SMAD6: variants seen among roughly 807,000 people sequenced by gnomAD.
SMAD6 encodes the protein SMAD family member 6.
A neutral mutation model predicts 39.4 loss-of-function variants in SMAD6; 103 were observed. That is an observed-to-expected ratio of 2.62 (90% CI 2.23 to 3.08). SMAD6 has a LOEUF of 3.08. SMAD6 is among the 30% of genes most tolerant of loss of function. The pLI is 0.00. For synonymous variants in SMAD6, 445 were observed against 353.3 expected (o/e 1.26, Z -2.91); for missense variants, 1,104 against 742.9 (o/e 1.49, Z -5.65).
intron 3 of SMAD6, among the ~76,000 whole-genome samples, chr15:66,753,067 A>G (rs140553385): frequency 1.1e-4 from 17 of 152,206 alleles, no homozygotes; most frequent in Non-Finnish European, 2.4e-4. Context: ...CATTATTGCC[A>G]TTTTGCAGGT....
In SMAD6 at chr15:66,703,400, C is replaced by T. The variant is rs1595756495; in HGVS notation, c.142C>T (p.Arg48Trp). The T allele has an allele frequency of 2.9e-6, 4 of 1,394,822 alleles. No individual in the cohort carries two copies. The highest frequency in any genetic ancestry group is 3.4e-5 in the Admixed American group (1 of 29,348). The allele number at this position is 1,394,822 out of a possible 1,614,324, so 86.4% of individuals were successfully genotyped here. A position where few individuals can be genotyped will look rare whatever the true frequency, so the allele number is the denominator to read the frequency against. ...GGGCAGCCGAGCTGAGCCGGCCCCGCGGGCAAGAGAGGGCGGAGGCTGCGG... is the reference window on the plus strand; with the variant it reads ...GGGCAGCCGAGCTGAGCCGGCCCCGTGGGCAAGAGAGGGCGGAGGCTGCGG... ...SLGSRAEPAPRAREGGGCGRS... is the reference protein window; with the variant it reads ...SLGSRAEPAPWAREGGGCGRS... Residue 48 changes from arginine to tryptophan, a missense_variant, in exon 1 of 4, where the codon CGG becomes TGG. Physicochemically the swap from Arg to Trp is moderately radical, Grantham distance 101. Coordinates refer to ENST00000288840, the MANE Select transcript of SMAD6 (RefSeq NM_005585.5).
At chr15:66,731,216 A>G (rs1241148488) in intron 3 of SMAD6, among the ~76,000 whole-genome samples, 3 of 151,936 alleles carry the variant, frequency 2.0e-5, no homozygotes, top group Non-Finnish European at 4.4e-5. Flanking sequence ...AGGCGGGCGG[A>G]TCACGAGGTC....
rs77685099 is a variant in SMAD6 at position 66,764,483 on chromosome 15, A to C, written c.953-16514A>C. On this transcript the variant is annotated intron_variant, in intron 3 of 3. Coordinates refer to ENST00000288840, the MANE Select transcript of SMAD6 (RefSeq NM_005585.5). ...GACAAAAGCGTCCCTTCCTCCCTAG[A>C]GTATATGAAGATATGGGGCCAAGTC... 2.2e-3 allele frequency among the ~76,000 whole-genome samples: 330 copies of C among 152,212 alleles called. 2 individuals carry two copies. The highest frequency in any genetic ancestry group is 7.7e-3 in the African/African-American group (319 of 41,528).
At chr15:66,717,070 T>G in intron 3 of SMAD6, 2 of 1,289,112 alleles carry the variant, frequency 1.6e-6, no homozygotes, top group Non-Finnish European at 1.0e-6. Context: ...TCCCCTGCAG[T>G]TAGAAGCTGG....
rs571561726 is a variant in SMAD6 at position 66,774,526 on chromosome 15, G to A, written c.953-6471G>A. 7.9e-5 allele frequency among the ~76,000 whole-genome samples: 12 copies of A among 152,310 alleles called. No individual in the cohort carries two copies. The East Asian group carries it at 2.3e-3, about 29-fold the overall frequency. ...TCGGCGCAGACAGCCACCACCCTCT[G>A]GTGGCAGGAATGTGGGTGCCACCGG... On this transcript the variant is annotated intron_variant, in intron 3 of 3. Coordinates refer to ENST00000288840, the MANE Select transcript of SMAD6 (RefSeq NM_005585.5).
At chr15:66,744,155 A>G (rs1893865953) in intron 3 of SMAD6, among the ~76,000 whole-genome samples, 1 of 152,062 alleles carries the variant, frequency 6.6e-6, no homozygotes, top group Non-Finnish European at 1.5e-5. Flanking sequence ...GAGGGCCGGG[A>G]TCCTGTAACT....
intron 3 of SMAD6, among the ~76,000 whole-genome samples, chr15:66,743,797 A>G (rs1279706462): frequency 6.6e-6 from 1 of 152,206 alleles, no homozygotes. Flanking sequence ...AAAAGTTCAT[A>G]TAGCTGTTTT....
At chr15:66,726,508 G>C (rs112033542) in intron 3 of SMAD6, among the ~76,000 whole-genome samples, 1,566 of 152,302 alleles carry the variant, frequency 0.01, 35 homozygotes, top group African/African-American at 0.035. Context: ...GCCGAGGAGG[G>C]TGGAGAGAGG....
chr15:66,719,801 A>G (rs62005626), intron 3 of SMAD6, among the ~76,000 whole-genome samples: 1 of 152,074 alleles, frequency 6.6e-6, no homozygotes, highest in South Asian at 2.1e-4. Flanking sequence ...CTCTCTGCCG[A>G]GTAGTTGTTG....
intron 3 of SMAD6, chr15:66,741,008 A>C (rs1460235588): frequency 6.6e-6 from 1 of 152,254 alleles, no homozygotes; most frequent in Non-Finnish European, 1.5e-5. Context: ...CAATGAGCTG[A>C]GTCTCCCTCC....
intron 2 of SMAD6, among the ~76,000 whole-genome samples, chr15:66,714,576 A>G (rs1345851329): frequency 6.6e-6 from 1 of 152,152 alleles, no homozygotes; most frequent in Non-Finnish European, 1.5e-5. Context: ...TGAAAATATT[A>G]ACCTCTGGCC....
rs4776822 is a variant in SMAD6 at position 66,702,985 on chromosome 15, G to A, written c.-274G>A. Reference sequence around the variant, plus strand: ...CTAAAGCGCGGGGGCTGGAGTTGTTGAGCAGCCCCGCCGCTGTGGTCCATG... The same window carrying A: ...CTAAAGCGCGGGGGCTGGAGTTGTTAAGCAGCCCCGCCGCTGTGGTCCATG... On this transcript the variant is annotated 5_prime_UTR_variant, in exon 1 of 4. The change abolishes the stop of an existing upstream ORF in the 5' untranslated region. Transcript: ENST00000288840. 72,611 of 313,182 alleles carry A rather than the reference G, an allele frequency of 0.23. 8,806 individuals are homozygous for A. Among genetic ancestry groups the A allele is most frequent in the Middle Eastern group, 0.31 (360 of 1,148 alleles). 19.4% of individuals were successfully genotyped at this position (313,182 alleles called of 1,614,324 possible).
Position 66,781,482 on chromosome 15 carries a change from TTCA to T in SMAD6, c.1442_1444del (p.Ile481del). 1 of 1,596,126 alleles carries T rather than the reference TTCA, an allele frequency of 6.3e-7. No homozygotes were observed. Among genetic ancestry groups the T allele is most frequent in the Non-Finnish European group, 8.5e-7 (1 of 1,173,374 alleles). On this transcript the variant is annotated inframe_deletion, in exon 4 of 4. Coordinates refer to ENST00000288840, the MANE Select transcript of SMAD6 (RefSeq NM_005585.5). Reference sequence around the variant, plus strand: ...CTGGGGGCCCTGCTACTCCCGGCAGTTCATCACCTCCTGCCCCTGCTGGCTGGA... The same window carrying T: ...CTGGGGGCCCTGCTACTCCCGGCAGTTCACCTCCTGCCCCTGCTGGCTGGA...
intron 1 of SMAD6, chr15:66,708,770 T>TG (rs1467838172): frequency 2.1e-6 from 1 of 470,948 alleles, no homozygotes; most frequent in South Asian, 1.6e-5. Context: ...GTTTTGGGGT[T>TG]GGGGTCTAGA....
intron 3 of SMAD6, among the ~76,000 whole-genome samples, chr15:66,749,043 G>T (rs1031342140): frequency 6.6e-6 from 1 of 152,206 alleles, no homozygotes. Context: ...ACCAGAGTGG[G>T]CTGGGTGTGG....
chr15:66,703,333 C>T lies in SMAD6; in HGVS notation c.75C>T (p.Gly25=), dbSNP rs755856670. The T allele has an allele frequency of 1.4e-4, 205 of 1,482,736 alleles. No homozygotes were observed. Among genetic ancestry groups the T allele is most frequent in the Non-Finnish European group, 1.8e-4 (200 of 1,115,460 alleles). 91.8% of individuals were successfully genotyped at this position (1,482,736 alleles called of 1,614,324 possible). A position where few individuals can be genotyped will look rare whatever the true frequency, so the allele number is the denominator to read the frequency against. ...GTGTGGTCCCCGACCGGGAGGAAGG[C>T]GGCAGCGGCGGCGGCGGTGGCGGCG... ...RSRVVPDREE[G]GSGGGGGGDE... Residue 25 remains glycine (G), a synonymous_variant, in exon 1 of 4, where the codon GGC becomes GGT. Coordinates refer to ENST00000288840, the MANE Select transcript of SMAD6 (RefSeq NM_005585.5).
intron 3 of SMAD6, among the ~76,000 whole-genome samples, chr15:66,741,725 T>G (rs1396271720): frequency 1.3e-5 from 2 of 152,218 alleles, no homozygotes; most frequent in Non-Finnish European, 2.9e-5. Flanking sequence ...AACTCCATTT[T>G]GAAGTACACA....
chr15:66,720,874 G>T (rs1399423802), intron 3 of SMAD6, among the ~76,000 whole-genome samples: 2 of 152,146 alleles, frequency 1.3e-5, no homozygotes, highest in African/African-American at 4.8e-5. Flanking sequence ...TGGAACCTTG[G>T]CCCTCTGTGC....
At chr15:66,770,359 A>T (rs1044014571) in intron 3 of SMAD6, among the ~76,000 whole-genome samples, 1 of 152,162 alleles carries the variant, frequency 6.6e-6, no homozygotes, top group African/African-American at 2.4e-5. Context: ...GCCTGATGTA[A>T]GGCCGGTGCG....
Sources: gnomAD v4.1 joint callset for allele counts (sites outside exome capture counted in the v4.1 genomes callset) on GRCh38, gnomAD v4.1.1 for gene constraint, MANE v1.5 for transcripts, NCBI Gene and HGNC (gene_info 2026-07-23, HGNC 2026-07-21) for gene names.